The following MYCBP2 variants were observed in gnomAD, a reference collection of about 807,000 sequenced individuals.
MYCBP2 encodes the protein MYC binding protein 2, also known as E3 ubiquitin-protein ligase MYCBP2.
MYCBP2 carries 120 observed loss-of-function variants against 525.3 expected under a neutral mutation model. The observed-to-expected ratio is 0.23, with a 90% CI of 0.20 to 0.27. MYCBP2 has a LOEUF of 0.27. Among genes scored for constraint, MYCBP2 ranks in the 10% least tolerant of loss-of-function variants. The pLI is 1.00. For missense variants in MYCBP2, 4,149 were observed against 5,657.1 expected (o/e 0.73, Z 8.55); for synonymous variants, 1,894 against 1,955.8 (o/e 0.97, Z 0.83).
rs560162668 is a variant in MYCBP2 at position 77,077,365 on chromosome 13, A to G, written c.11507T>C (p.Ile3836Thr). ...TGGAAGTTCACTTGTTACCCAGCCA[A>G]TGTGCCTGGAATCCAGATCAACCTG... ...IKQVDLDSRHIGWVTSELPGG... is the reference protein window; with the variant it reads ...IKQVDLDSRHTGWVTSELPGG... The change falls in exon 67 of 83, where the codon ATT becomes ACT. Residue 3836 changes from isoleucine (I) to threonine (T), a missense_variant. Physicochemically the swap from Ile to Thr is moderately conservative, Grantham distance 89 (BLOSUM62 -1). Around this residue, in one of 21 missense-constraint regions of MYCBP2, gnomAD observed 509 missense variants for 789.4 expected, o/e 0.64. Transcript: ENST00000544440. 5.6e-5 allele frequency: 91 copies of G among 1,614,004 alleles called. No individual in the cohort carries two copies. The highest frequency in any genetic ancestry group is 3.3e-4 in the Middle Eastern group (2 of 6,058).
intron 38 of MYCBP2, among the ~76,000 whole-genome samples, chr13:77,169,984 T>C (rs1380395203): frequency 6.6e-6 from 1 of 152,180 alleles, no homozygotes; most frequent in Non-Finnish European, 1.5e-5. Context: ...TTACCCAAAA[T>C]ACTTAATACA....
rs764638255 is a variant in MYCBP2 at position 77,251,347 on chromosome 13, C to T, written c.2185G>A (p.Val729Ile). The change falls in exon 15 of 83, where the codon GTT becomes ATT. Residue 729 changes from valine (V) to isoleucine (I), a missense_variant. Transcript: ENST00000544440. ...AMNQGGKGFGVENMATAMDED... is the reference protein window; with the variant it reads ...AMNQGGKGFGIENMATAMDED... ...TCCATTGCTGTTGCCATATTTTCAA[C>T]TCCAAACCCTATTTGACAGATCAAT... 6.2e-7 allele frequency: 1 copy of T among 1,614,008 alleles called. No homozygotes were observed. The highest frequency in any genetic ancestry group is 8.5e-7 in the Non-Finnish European group (1 of 1,179,942).
chr13:77,164,225 C>T (rs1238707252), intron 43 of MYCBP2, among the ~76,000 whole-genome samples: 1 of 152,018 alleles, frequency 6.6e-6, no homozygotes, highest in Non-Finnish European at 1.5e-5. Context: ...TGGCTCAAAG[C>T]ATGTATATGC....
intron 1 of MYCBP2, among the ~76,000 whole-genome samples, chr13:77,324,336 C>A (rs1169950236): frequency 2.6e-5 from 4 of 152,194 alleles, no homozygotes; most frequent in African/African-American, 7.2e-5. Context: ...GCTTCATTCT[C>A]TATTATTGCT....
intron 29 of MYCBP2, among the ~76,000 whole-genome samples, chr13:77,189,429 T>A (rs1010220125): frequency 2.0e-5 from 3 of 152,286 alleles, no homozygotes; most frequent in African/African-American, 7.2e-5. Flanking sequence ...TAGAGCTACA[T>A]ATTACAAACA....
intron 17 of MYCBP2, among the ~76,000 whole-genome samples, chr13:77,235,358 G>A (rs1251497806): frequency 6.6e-6 from 1 of 151,886 alleles, no homozygotes; most frequent in Non-Finnish European, 1.5e-5. Context: ...AAGGAAGAGA[G>A]GGCATTCCAG....
chr13:77,047,746 G>T (rs1218085993), intron 82 of MYCBP2, among the ~76,000 whole-genome samples: 1 of 152,162 alleles, frequency 6.6e-6, no homozygotes, highest in African/African-American at 2.4e-5. Flanking sequence ...CCTTTGTATA[G>T]TCAGGGGGCT....
intron 68 of MYCBP2, among the ~76,000 whole-genome samples, chr13:77,071,265 G>GCACATGCA (rs1555305891): frequency 2.3e-5 from 2 of 87,410 alleles, no homozygotes; most frequent in Non-Finnish European, 5.2e-5. Context: ...GCACGTGTGT[G>GCACATGCA]CACACGCACA....
chr13:77,054,747 G>T (rs9544415), intron 80 of MYCBP2, among the ~76,000 whole-genome samples: 1 of 151,670 alleles, frequency 6.6e-6, no homozygotes, highest in African/African-American at 2.4e-5. Flanking sequence ...ACTACAGGCA[G>T]ATGCCAACCT....
At position 77,259,648 on chromosome 13, in the gene MYCBP2, C is replaced by T. The variant is rs923583394; in HGVS notation, c.2017+780G>A. ...TACACCTCCACTTAATAATTAATTG[C>T]TATAAATGTTCTACAGGTGTAATTT... On this transcript the variant is annotated intron_variant, in intron 13 of 82. Transcript: ENST00000544440. Among the ~76,000 whole-genome samples, 3 of 152,158 alleles carry T rather than the reference C, an allele frequency of 2.0e-5. No individual in the cohort carries two copies. The East Asian group carries it at 5.8e-4, about 29-fold the overall frequency.
At chr13:77,285,596 T>TACC (rs2076640055) in intron 3 of MYCBP2, among the ~76,000 whole-genome samples, 1 of 152,010 alleles carries the variant, frequency 6.6e-6, no homozygotes, top group African/African-American at 2.4e-5. Flanking sequence ...AGACCAGCTT[T>TACC]ACCAACATGG....
Position 77,088,986 on chromosome 13 carries a change from C to A in MYCBP2, c.10571G>T (p.Arg3524Leu). 6.2e-7 allele frequency: 1 copy of A among 1,612,784 alleles called. No homozygotes were observed. The highest frequency in any genetic ancestry group is 8.5e-7 in the Non-Finnish European group (1 of 1,179,320). The change falls in exon 61 of 83, where the codon CGG becomes CTG. Residue 3524 changes from arginine (R) to leucine (L), a missense_variant. Transcript: ENST00000544440. ...AAGAGAGCTGTGGGCTGAGATTAGC[C>A]GAGAAAGCTCAGGAGACGGATGTCT... ...LLRHPSPELS[R>L]LISAHSSLSK...
At position 77,098,696 on chromosome 13, in the gene MYCBP2, A is replaced by G; in HGVS notation, c.8458T>C (p.Ser2820Pro). The G allele has an allele frequency of 6.2e-7, 1 of 1,613,514 alleles. No homozygotes were observed. The highest frequency in any genetic ancestry group is 8.5e-7 in the Non-Finnish European group (1 of 1,179,734). Residue 2820 changes from serine (S) to proline (P), a missense_variant, in exon 56 of 83, where the codon TCA becomes CCA. By Grantham distance (74) the Ser-to-Pro change is moderately conservative. Around this residue, in one of 21 missense-constraint regions of MYCBP2, gnomAD observed 653 missense variants for 744.7 expected, o/e 0.88. Coordinates refer to ENST00000544440, the MANE Select transcript of MYCBP2 (RefSeq NM_015057.5). Reference protein sequence around the residue: ...AESPGPGSRLSSPKPKTLPAN... With the variant: ...AESPGPGSRLPSPKPKTLPAN... ...GGGAGAGTCTTTGGCTTAGGAGATG[A>G]CAACCGAGAACCTGGTCCTGGGGAT...
chr13:77,130,494 T>C (rs185257874), intron 52 of MYCBP2, among the ~76,000 whole-genome samples: 13 of 152,078 alleles, frequency 8.5e-5, no homozygotes, highest in East Asian at 1.9e-4. Flanking sequence ...TTCATAAATA[T>C]AAGACATATA....
chr13:77,152,046 G>A (rs1007935460), intron 46 of MYCBP2, among the ~76,000 whole-genome samples: 2 of 152,198 alleles, frequency 1.3e-5, no homozygotes, highest in African/African-American at 4.8e-5. Flanking sequence ...AAAGTGCAGA[G>A]ATAAAAGTGA....
Position 77,168,466 on chromosome 13 carries a change from C to T in MYCBP2, c.6076G>A (p.Glu2026Lys). ...ACACAGGCAGGTTTATACGGGTGCT[C>T]ACTCTCTATGACAGCATAGTGACTG... ...TSSHYAVIES[E>K]HPYKPACVMH... The change falls in exon 40 of 83, where the codon GAG becomes AAG. Residue 2026 changes from glutamate (E) to lysine (K), a missense_variant. Around this residue, in one of 21 missense-constraint regions of MYCBP2, gnomAD observed 692 missense variants for 852.7 expected, o/e 0.81. Coordinates refer to ENST00000544440, the MANE Select transcript of MYCBP2 (RefSeq NM_015057.5). 4 of 1,614,094 alleles carry T rather than the reference C, an allele frequency of 2.5e-6. No homozygotes were observed. The highest frequency in any genetic ancestry group is 3.4e-6 in the Non-Finnish European group (4 of 1,180,026).
chr13:77,217,764 G>C lies in MYCBP2; in HGVS notation c.3057+76C>G, dbSNP rs932618004. On this transcript the variant is annotated intron_variant, in intron 21 of 82. Coordinates refer to ENST00000544440, the MANE Select transcript of MYCBP2 (RefSeq NM_015057.5). ...ATTGTTATATTATATTCTGGAAACA[G>C]AAAAAAGAGCTAATATAGACAAATT... 24 of 832,412 alleles carry C rather than the reference G, an allele frequency of 2.9e-5. No individual in the cohort carries two copies. In the East Asian group the frequency reaches 4.3e-4, roughly 15 times the overall value. The allele number at this position is 832,412 out of a possible 1,614,324, so 51.6% of individuals were successfully genotyped here.
intron 18 of MYCBP2, among the ~76,000 whole-genome samples, chr13:77,227,438 G>T (rs1218433499): frequency 6.8e-6 from 1 of 146,700 alleles, no homozygotes; most frequent in Non-Finnish European, 1.5e-5. Context: ...AAAGATAGTG[G>T]AATGGTAAAA....
rs2046488433 is a variant in MYCBP2, at chr13:77,097,928, G to C, written c.9226C>G (p.Gln3076Glu). The C allele has an allele frequency of 6.2e-7, 1 of 1,612,812 alleles. No homozygotes were observed. The highest frequency in any genetic ancestry group is 8.5e-7 in the Non-Finnish European group (1 of 1,179,626). The part of the protein sequence containing the change: ...APIRSSLNSQ[Q>E]PTEEKETKLK... ...TTGGTTTCTTTTTCCTCTGTAGGTT[G>C]TTGGCTATTTAAACTACTCCTTATA... Residue 3076 changes from glutamine (Q) to glutamate (E), a missense_variant, in exon 56 of 83, where the codon CAA becomes GAA. Transcript: ENST00000544440.
Sources: allele counts gnomAD v4.1 joint callset (sites outside exome capture counted in the v4.1 genomes callset), GRCh38; gene constraint gnomAD v4.1.1; regional missense constraint gnomAD v4.1.1; transcripts MANE v1.5; gene names NCBI Gene and HGNC (gene_info 2026-07-23, HGNC 2026-07-21).